The following PUM3 variants were observed in gnomAD, a reference collection of about 807,000 sequenced individuals.
PUM3 encodes the protein pumilio homolog 3.
A neutral mutation model predicts 84.0 loss-of-function variants in PUM3; 91 were observed. The observed-to-expected ratio is 1.08, with a 90% CI of 0.91 to 1.29. PUM3 has a LOEUF of 1.29. Ranked by LOEUF, PUM3 falls within the 50% of genes most tolerant of loss-of-function variation. The pLI, the probability that PUM3 is intolerant of heterozygous loss-of-function variation, is 0.00. For synonymous variants in PUM3, 321 were observed against 266.7 expected (o/e 1.20, Z -1.98); for missense variants, 1,067 against 767.5 (o/e 1.39, Z -4.61).
chr9:2,810,000 C>T (rs905921586), intron 16 of PUM3, among the ~76,000 whole-genome samples: 1 of 151,798 alleles, frequency 6.6e-6, no homozygotes, highest in Non-Finnish European at 1.5e-5. Flanking sequence ...GGCCCCCTAC[C>T]CCCTCTCACC....
At chr9:2,832,096 T>C (rs1007918040) in intron 5 of PUM3, among the ~76,000 whole-genome samples, 7 of 152,178 alleles carry the variant, frequency 4.6e-5, no homozygotes, top group African/African-American at 1.4e-4. Flanking sequence ...CACTCTAAAG[T>C]TTCTGAATTC....
At chr9:2,810,199 T>G in intron 16 of PUM3, 145 bp downstream of exon 16, 1 of 626,124 alleles carries the variant, frequency 1.6e-6, no homozygotes, top group South Asian at 1.8e-5. Flanking sequence ...CAGCAACCAC[T>G]GAATCATTTC....
At chr9:2,816,683 T>A (rs1027128279) in intron 13 of PUM3, among the ~76,000 whole-genome samples, 2 of 152,148 alleles carry the variant, frequency 1.3e-5, no homozygotes, top group African/African-American at 2.4e-5. Flanking sequence ...GCCTGGCCAC[T>A]CATTTACCTA....
intron 1 of PUM3, among the ~76,000 whole-genome samples, chr9:2,838,730 C>G (rs1217134816): frequency 6.6e-6 from 1 of 152,126 alleles, no homozygotes; most frequent in Non-Finnish European, 1.5e-5. Context: ...AATAAAAAAA[C>G]TAAGAACAAC....
At chr9:2,811,701 G>A (rs914273112) in intron 14 of PUM3, 118 bp from the exon 15 acceptor site, 10 of 678,674 alleles carry the variant, frequency 1.5e-5, no homozygotes, top group Non-Finnish European at 2.5e-5. Context: ...TATTATTATT[G>A]TCTATCTTTC....
In PUM3 at chr9:2,829,888, C is replaced by T. The variant is rs376397010; in HGVS notation, c.738G>A (p.Leu246=). The T allele has an allele frequency of 2.6e-4, 423 of 1,613,862 alleles. 8 individuals are homozygous for T. The South Asian group carries it at 4.5e-3, about 17-fold the overall frequency. ...RSFKGHVRKM[L]RHAEASAIVE... ...CGATGGCTGATGCTTCCGCATGCCG[C>T]AGCATCTTCCTCACGTGGCCTTTAA... Residue 246 remains leucine (L), a synonymous_variant, in exon 8 of 18, where the codon CTG becomes CTA. Coordinates refer to ENST00000397885, the MANE Select transcript of PUM3 (RefSeq NM_014878.5).
intron 6 of PUM3, 66 bp downstream of exon 6, chr9:2,831,185 G>T: frequency 8.3e-7 from 1 of 1,200,930 alleles, no homozygotes; most frequent in Non-Finnish European, 1.2e-6. Flanking sequence ...ACAGTCTTGG[G>T]TATTTTAAGA....
intron 12 of PUM3, 103 bp from the exon 13 acceptor site, chr9:2,820,201 CAAA>C (rs58442595): frequency 0.02 from 2,941 of 148,608 alleles, no homozygotes; most frequent in Middle Eastern, 0.032. Flanking sequence ...AGACTCCGCT[CAAA>C]AAAAAAAAAA....
At chr9:2,840,431 T>C (rs183826405) in intron 1 of PUM3, among the ~76,000 whole-genome samples, 18 of 152,264 alleles carry the variant, frequency 1.2e-4, no homozygotes, top group African/African-American at 3.9e-4. Flanking sequence ...ACATCCTATG[T>C]CCTCCTAAGT....
intron 17 of PUM3, among the ~76,000 whole-genome samples, chr9:2,805,822 C>T (rs1563823631): frequency 6.6e-6 from 1 of 151,210 alleles, no homozygotes; most frequent in Non-Finnish European, 1.5e-5. Flanking sequence ...AAATTAAGGC[C>T]CAGAAAAGCT....
At chr9:2,832,663 C>A (rs6476047) in intron 5 of PUM3, among the ~76,000 whole-genome samples, 1 of 151,896 alleles carries the variant, frequency 6.6e-6, no homozygotes, top group Non-Finnish European at 1.5e-5. Flanking sequence ...GCAGTCCTAT[C>A]GTAAAAAGAT....
Position 2,804,325 on chromosome 9 carries a change from T to C in PUM3, c.*6A>G. 6.2e-7 allele frequency: 1 copy of C among 1,612,146 alleles called. No homozygotes were observed. Among genetic ancestry groups the C allele is most frequent in the Non-Finnish European group, 8.5e-7 (1 of 1,179,540 alleles). On this transcript the variant is annotated 3_prime_UTR_variant, in exon 18 of 18. Coordinates refer to ENST00000397885, the MANE Select transcript of PUM3 (RefSeq NM_014878.5). ...ATCATTCCATCTTGCTCTTAACTCT[T>C]TCCACCTATGTGCTCAGTTTTTCAA...
chr9:2,840,464 T>G (rs1239808999), intron 1 of PUM3, among the ~76,000 whole-genome samples: 1 of 152,246 alleles, frequency 6.6e-6, no homozygotes, highest in Non-Finnish European at 1.5e-5. Context: ...CTTTAGCATT[T>G]GTCGGTGGAT....
At position 2,818,765 on chromosome 9, in the gene PUM3, T is replaced by C. The variant is rs986790064; in HGVS notation, c.1269+1253A>G. Among the ~76,000 whole-genome samples the C allele has an allele frequency of 2.0e-5, 3 of 152,278 alleles. No individual in the cohort carries two copies. The East Asian group carries it at 5.8e-4, about 29-fold the overall frequency. On this transcript the variant is annotated intron_variant, in intron 13 of 17. Coordinates refer to ENST00000397885, the MANE Select transcript of PUM3 (RefSeq NM_014878.5). ...GAAAGTCATCACAATCTTAAAACAG[T>C]CAAGGGTAAAGTTGGAAAATGACAG...
chr9:2,810,145 A>G (rs1041581336), intron 16 of PUM3, among the ~76,000 whole-genome samples, 199 bp downstream of exon 16: 1 of 152,102 alleles, frequency 6.6e-6, no homozygotes, highest in African/African-American at 2.4e-5. Context: ...AAGAAAATTA[A>G]AAGAGTTCTC....
In PUM3 at chr9:2,830,981, T is replaced by A; in HGVS notation, c.658A>T (p.Lys220Ter). Residue 220 changes from lysine (K) to a stop codon, truncating the protein, a stop_gained, in exon 7 of 18, where the codon AAG becomes TAG. Coordinates refer to ENST00000397885, the MANE Select transcript of PUM3 (RefSeq NM_014878.5). LOFTEE classifies it high-confidence loss of function. ...SKAKYSRNIV[K>*]KFLMYGSKPQ... ...ACTTACCCATACATGAGAAATTTCTTAACAATATTTCTCGAATATTTGGCT... is the reference window on the plus strand; with the variant it reads ...ACTTACCCATACATGAGAAATTTCTAAACAATATTTCTCGAATATTTGGCT... 6.7e-7 allele frequency: 1 copy of A among 1,481,502 alleles called. No individual in the cohort carries two copies. The highest frequency in any genetic ancestry group is 9.4e-7 in the Non-Finnish European group (1 of 1,067,184). 91.8% of individuals were successfully genotyped at this position (1,481,502 alleles called of 1,614,324 possible).
chr9:2,804,751 C>G (rs555302176), intron 17 of PUM3, among the ~76,000 whole-genome samples: 1 of 152,352 alleles, frequency 6.6e-6, no homozygotes, highest in South Asian at 2.1e-4. Flanking sequence ...TTAGGACTTA[C>G]TTACATCCTG....
intron 10 of PUM3, among the ~76,000 whole-genome samples, chr9:2,826,872 A>T (rs1376696162): frequency 9.2e-5 from 14 of 152,206 alleles, no homozygotes; most frequent in Admixed American, 8.5e-4. Context: ...TAGTAAAACT[A>T]GGGTCAATTC....
chr9:2,831,475 T>C (rs1483467235), intron 5 of PUM3, 131 bp from the exon 6 acceptor site: 2 of 638,064 alleles, frequency 3.1e-6, no homozygotes, highest in Non-Finnish European at 5.6e-6. Context: ...AAACCTAGAT[T>C]ACTGAGAACT....
Sources: allele counts gnomAD v4.1 joint callset (sites outside exome capture counted in the v4.1 genomes callset), GRCh38; gene constraint gnomAD v4.1.1; transcripts MANE v1.5; gene names NCBI Gene and HGNC (gene_info 2026-07-23, HGNC 2026-07-21).